PPP2R2C: variants seen among roughly 807,000 people sequenced by gnomAD.
PPP2R2C encodes protein phosphatase 2, regulatory subunit B, gamma.
A neutral mutation model predicts 45.3 loss-of-function variants in PPP2R2C; 10 were observed. The observed-to-expected ratio is 0.22, with a 90% CI of 0.14 to 0.37. PPP2R2C has a LOEUF of 0.37. Ranked by LOEUF, PPP2R2C falls within the 10% of genes least tolerant of loss-of-function variation. The pLI is 1.00. For missense variants in PPP2R2C, 308 were observed against 619.7 expected (o/e 0.50, Z 5.34); for synonymous variants, 257 against 245.4 (o/e 1.05, Z -0.44).
intron 1 of PPP2R2C, 175 bp from the exon 2 acceptor site, chr4:6,381,269 T>A: frequency 6.5e-7 from 1 of 1,531,004 alleles, no homozygotes; most frequent in Non-Finnish European, 8.7e-7. Flanking sequence ...CACCAACCTG[T>A]CCCCTCCTGC....
chr4:6,351,431 G>A (rs765433176), intron 5 of PPP2R2C: 107 of 911,606 alleles, frequency 1.2e-4, no homozygotes, highest in Non-Finnish European at 1.3e-4. Flanking sequence ...TGAGGGGCAC[G>A]GACACTCAAT....
chr4:6,355,128 C>T (rs1280451169), intron 5 of PPP2R2C, among the ~76,000 whole-genome samples: 4 of 152,244 alleles, frequency 2.6e-5, no homozygotes, highest in African/African-American at 9.6e-5. Flanking sequence ...CCAGCGAGGG[C>T]AGGGACCTGC....
At chr4:6,394,736 T>G (rs1357693484) in intron 1 of PPP2R2C, among the ~76,000 whole-genome samples, 5 of 152,198 alleles carry the variant, frequency 3.3e-5, no homozygotes, top group Non-Finnish European at 7.4e-5. Context: ...TCCCAGCACC[T>G]GGGGTCCCAC....
At chr4:6,470,747 C>T (rs1246632271) in intron 1 of PPP2R2C, among the ~76,000 whole-genome samples, 1 of 152,226 alleles carries the variant, frequency 6.6e-6, no homozygotes, top group African/African-American at 2.4e-5. Context: ...CCGCTCTCAG[C>T]TCCCCGGGCC....
At chr4:6,458,367 G>T (rs2108754505) in intron 1 of PPP2R2C, among the ~76,000 whole-genome samples, 1 of 152,252 alleles carries the variant, frequency 6.6e-6, no homozygotes, top group East Asian at 1.9e-4. Flanking sequence ...CAGCAGATTT[G>T]GTGTCCACTG....
intron 2 of PPP2R2C, among the ~76,000 whole-genome samples, chr4:6,481,403 T>G (rs998089312): frequency 1.3e-5 from 2 of 152,234 alleles, no homozygotes; most frequent in African/African-American, 4.8e-5. Context: ...AAATCATTCA[T>G]TGAATAGTCC....
At chr4:6,413,261 G>A (rs1230563499) in intron 1 of PPP2R2C, among the ~76,000 whole-genome samples, 3 of 151,750 alleles carry the variant, frequency 2.0e-5, no homozygotes, top group South Asian at 2.1e-4. Context: ...TCATGTACTC[G>A]CACACACATT....
chr4:6,343,671 G>T (rs1163589458), intron 6 of PPP2R2C, among the ~76,000 whole-genome samples: 1 of 152,110 alleles, frequency 6.6e-6, no homozygotes, highest in African/African-American at 2.4e-5. Flanking sequence ...AGTGAGCCAA[G>T]ATCGTGTCAG....
chr4:6,549,463 A>G (rs1725107830), intron 1 of PPP2R2C, among the ~76,000 whole-genome samples: 1 of 152,212 alleles, frequency 6.6e-6, no homozygotes, highest in Admixed American at 6.5e-5. Context: ...AGATACAGGG[A>G]AGGGAGTCCC....
chr4:6,536,592 C>T (rs1044881012), intron 1 of PPP2R2C, among the ~76,000 whole-genome samples: 5 of 152,212 alleles, frequency 3.3e-5, no homozygotes, highest in Admixed American at 6.5e-5. Context: ...GCCCATACCC[C>T]GCAGGAGTGT....
At chr4:6,356,268 G>A (rs1577101296) in intron 5 of PPP2R2C, among the ~76,000 whole-genome samples, 1 of 152,176 alleles carries the variant, frequency 6.6e-6, no homozygotes, top group Admixed American at 6.5e-5. Flanking sequence ...TAACACGTGC[G>A]GCCGGCTGGC....
intron 1 of PPP2R2C, among the ~76,000 whole-genome samples, chr4:6,459,788 C>T (rs924308167): frequency 8.6e-5 from 13 of 151,754 alleles, no homozygotes; most frequent in Admixed American, 8.5e-4. Context: ...CTCTGTCACA[C>T]ACACACAAAA....
chr4:6,394,397 A>G (rs1374897607), intron 1 of PPP2R2C, among the ~76,000 whole-genome samples: 4 of 152,244 alleles, frequency 2.6e-5, no homozygotes, highest in Non-Finnish European at 4.4e-5. Context: ...AATTATTGCT[A>G]CTATGTACCC....
chr4:6,546,327 G>C lies in PPP2R2C; in HGVS notation c.-58-10950C>G, dbSNP rs76054643. On this transcript the variant is annotated intron_variant, in intron 1 of 9. Transcript: ENST00000506140. ...TGGGAGGGGGTGCACTGGAGGGGCC[G>C]TTGACACACAGCATGTGCTTTAAAA... Among the ~76,000 whole-genome samples the C allele has an allele frequency of 4.7e-3, 721 of 152,310 alleles. 1 individual carries two copies. The highest frequency in any genetic ancestry group is 0.017 in the Middle Eastern group (5 of 294).
chr4:6,333,500 A>G (rs1732583178), intron 7 of PPP2R2C, 62 bp downstream of exon 7: 1 of 1,567,108 alleles, frequency 6.4e-7, no homozygotes, highest in Non-Finnish European at 8.7e-7. Context: ...GGCCCCCTCC[A>G]TGGGGATCTC....
intron 1 of PPP2R2C, among the ~76,000 whole-genome samples, chr4:6,559,577 G>T (rs186531680): frequency 6.6e-6 from 1 of 152,190 alleles, no homozygotes; most frequent in East Asian, 1.9e-4. Flanking sequence ...CCCTGCTGTG[G>T]ACTGGATGCT....
intron 1 of PPP2R2C, among the ~76,000 whole-genome samples, chr4:6,456,453 T>C (rs1721043372): frequency 6.6e-6 from 1 of 152,160 alleles, no homozygotes; most frequent in African/African-American, 2.4e-5. Context: ...ATGGGACACA[T>C]TATCATGATG....
At chr4:6,440,626 T>C (rs1458266388) in intron 1 of PPP2R2C, among the ~76,000 whole-genome samples, 1 of 152,240 alleles carries the variant, frequency 6.6e-6, no homozygotes, top group African/African-American at 2.4e-5. Context: ...CCTGGCAGCC[T>C]TGGTGCTGTC....
rs570065534 is a variant in PPP2R2C at position 6,448,559 on chromosome 4, C to T, written c.70+23601G>A. Among the ~76,000 whole-genome samples, 178 of 152,192 alleles carry T rather than the reference C, an allele frequency of 1.2e-3. 1 individual carries two copies. Among genetic ancestry groups the T allele is most frequent in the African/African-American group, 4.0e-3 (165 of 41,532 alleles). On this transcript the variant is annotated intron_variant, in intron 1 of 8. Coordinates refer to ENST00000382599, the MANE Select transcript of PPP2R2C (RefSeq NM_020416.4). Reference sequence around the variant, plus strand: ...ACTGGCCGAGGGGTGAGGAGGCCACCGCCATCTGGATCGCCCTTCTCTCCC... The same window carrying T: ...ACTGGCCGAGGGGTGAGGAGGCCACTGCCATCTGGATCGCCCTTCTCTCCC...
Sources: gnomAD v4.1 joint callset for allele counts (sites outside exome capture counted in the v4.1 genomes callset) on GRCh38, gnomAD v4.1.1 for gene constraint, MANE v1.5 for transcripts, NCBI Gene and HGNC (gene_info 2026-07-23, HGNC 2026-07-21) for gene names.